HLA-DQA2: variants seen among roughly 807,000 people sequenced by gnomAD.
HLA-DQA2 encodes the protein HLA class II histocompatibility antigen, DQ alpha 2 chain.
In HLA-DQA2, 17 loss-of-function variants were observed where a neutral mutation model predicts 21.0. That is an observed-to-expected ratio of 0.81 (90% confidence interval 0.56 to 1.22). The LOEUF is 1.22. HLA-DQA2 is among the 50% of genes most tolerant of loss of function. HLA-DQA2 has a pLI of 0.00. For missense variants in HLA-DQA2, 239 were observed against 308.8 expected (o/e 0.77, Z 1.69); for synonymous variants, 81 against 116.5 (o/e 0.70, Z 1.96).
chr6:32,745,877 C>T lies in HLA-DQA2; in HGVS notation c.418C>T (p.Pro140Ser), dbSNP rs267600977. ...CATCTGTCTTGTGGACAACATCTTTCCTCCTGTGGTCAACATCACCTGGCT... is the reference window on the plus strand; with the variant it reads ...CATCTGTCTTGTGGACAACATCTTTTCTCCTGTGGTCAACATCACCTGGCT... ...TLICLVDNIF[P>S]PVVNITWLSN... Residue 140 changes from proline to serine, a missense_variant, in exon 3 of 5, where the codon CCT becomes TCT. Transcript: ENST00000374940. 3 of 1,613,158 alleles carry T rather than the reference C, an allele frequency of 1.9e-6. No individual in the cohort carries two copies. The South Asian group carries it at 3.3e-5, about 18-fold the overall frequency.
At chr6:32,741,627 G>T in intron 1 of HLA-DQA2, 102 bp downstream of exon 1, 3 of 1,037,406 alleles carry the variant, frequency 2.9e-6, no homozygotes, top group Non-Finnish European at 1.4e-6. Flanking sequence ...TTTCCCAAGG[G>T]TCTTTTCAAT....
intron 3 of HLA-DQA2, 60 bp downstream of exon 3, chr6:32,746,132 A>G: frequency 1.4e-6 from 2 of 1,462,086 alleles, no homozygotes; most frequent in Non-Finnish European, 1.8e-6. Flanking sequence ...CTTCTCCCTA[A>G]GCCTGGGGCC....
In HLA-DQA2 at chr6:32,745,172, C is replaced by T. The variant is rs1252123767; in HGVS notation, c.96C>T (p.Ala32=). ...TTCACTCGTCAGCTGACCATGTTGC[C>T]TCCTATGGTGTGAACTTCTACCAGT... ...GGEDIVADHV[A]SYGVNFYQSH... is the part of the protein sequence containing the mutation. Residue 32 remains alanine (A), a synonymous_variant, in exon 2 of 5, where the codon GCC becomes GCT. Transcript: ENST00000374940. The T allele has an allele frequency of 6.8e-6, 11 of 1,613,976 alleles. No homozygotes were observed. The highest frequency in any genetic ancestry group is 9.3e-6 in the Non-Finnish European group (11 of 1,179,952).
intron 1 of HLA-DQA2, among the ~76,000 whole-genome samples, chr6:32,741,794 C>T (rs1168754960): frequency 1.3e-5 from 2 of 152,174 alleles, no homozygotes; most frequent in African/African-American, 4.8e-5. Flanking sequence ...GGCATTCCAT[C>T]ATGATTGCCT....
chr6:32,743,071 T>G (rs9276422), intron 1 of HLA-DQA2, among the ~76,000 whole-genome samples: 83,752 of 148,594 alleles, frequency 0.56, 24,463 homozygotes, highest in East Asian at 0.85. Flanking sequence ...TTCACCGTGT[T>G]AGCCAGGATG....
intron 1 of HLA-DQA2, among the ~76,000 whole-genome samples, chr6:32,743,735 G>A (rs1763373304): frequency 6.6e-6 from 1 of 152,198 alleles, no homozygotes. Flanking sequence ...TTTGTTGGTG[G>A]CCTGTTAAGT....
intron 1 of HLA-DQA2, among the ~76,000 whole-genome samples, chr6:32,744,506 C>T (rs1307151894): frequency 6.6e-6 from 1 of 151,916 alleles, no homozygotes; most frequent in Non-Finnish European, 1.5e-5. Flanking sequence ...AAATCAGGTG[C>T]TCTCCTCTAA....
At chr6:32,746,469 G>A (rs1195203173) in intron 4 of HLA-DQA2, 55 bp downstream of exon 4, 31 of 1,590,028 alleles carry the variant, frequency 1.9e-5, no homozygotes, top group Middle Eastern at 1.7e-4. Context: ...AGGAAAGTGG[G>A]AGGGGGTTGT....
intron 1 of HLA-DQA2, 126 bp from the exon 2 acceptor site, chr6:32,745,033 A>C (rs1387915067): frequency 5.3e-6 from 6 of 1,122,912 alleles, no homozygotes; most frequent in Non-Finnish European, 7.6e-6. Flanking sequence ...TGTTAGGAAG[A>C]TTGTTCAGGG....
rs906647744 is a variant in HLA-DQA2 at position 32,746,321 on chromosome 6, T to C, written c.695T>C (p.Ile232Thr). The C allele has an allele frequency of 6.2e-7, 1 of 1,612,994 alleles. No individual in the cohort carries two copies. The highest frequency in any genetic ancestry group is 1.3e-5 in the African/African-American group (1 of 74,928). ...ALGLSVGLMGIVVGTVFIIQG... is the reference protein window; with the variant it reads ...ALGLSVGLMGTVVGTVFIIQG... ...GGGTTGTCTGTGGGCCTCATGGGCATTGTGGTGGGCACTGTCTTCATCATC... is the reference window on the plus strand; with the variant it reads ...GGGTTGTCTGTGGGCCTCATGGGCACTGTGGTGGGCACTGTCTTCATCATC... Residue 232 changes from isoleucine (I) to threonine (T), a missense_variant, in exon 4 of 5, where the codon ATT (isoleucine) becomes ACT (threonine). Transcript: ENST00000374940.
chr6:32,743,674 T>C (rs1033848006), intron 1 of HLA-DQA2, among the ~76,000 whole-genome samples: 2 of 152,176 alleles, frequency 1.3e-5, no homozygotes, highest in African/African-American at 4.8e-5. Context: ...GTATTCCACA[T>C]ATATTCATGT....
chr6:32,745,219 A>G lies in HLA-DQA2; in HGVS notation c.143A>G (p.Tyr48Cys). ...CAGTCTCACGGTCCCTCTGGCCAGT[A>G]CACCCATGAATTTGATGGAGACGAG... ...FYQSHGPSGQYTHEFDGDEEF... is the reference protein window; with the variant it reads ...FYQSHGPSGQCTHEFDGDEEF... The change falls in exon 2 of 5, where the codon TAC becomes TGC. Residue 48 changes from tyrosine (Y) to cysteine (C), a missense_variant. Physicochemically the swap from Tyr to Cys is radical, Grantham distance 194. Transcript: ENST00000374940. The G allele has an allele frequency of 6.4e-7, 1 of 1,563,152 alleles. No homozygotes were observed. Among genetic ancestry groups the G allele is most frequent in the Non-Finnish European group, 8.7e-7 (1 of 1,144,418 alleles).
intron 1 of HLA-DQA2, among the ~76,000 whole-genome samples, chr6:32,743,367 CTATG>C (rs1319749485): frequency 6.6e-6 from 1 of 152,224 alleles, no homozygotes; most frequent in Non-Finnish European, 1.5e-5. Context: ...TCCCCAAAAT[CTATG>C]TAATTGTCAA....
intron 1 of HLA-DQA2, 98 bp downstream of exon 1, chr6:32,741,623 A>C: frequency 8.4e-7 from 1 of 1,194,262 alleles, no homozygotes; most frequent in East Asian, 2.5e-5. Flanking sequence ...GAAATTTCCC[A>C]AGGGTCTTTT....
At chr6:32,746,132 AG>A in intron 3 of HLA-DQA2, 60 bp downstream of exon 3, 3 of 1,462,086 alleles carry the variant, frequency 2.1e-6, no homozygotes, top group Non-Finnish European at 2.7e-6. Context: ...CTTCTCCCTA[AG>A]CCTGGGGCCT....
At chr6:32,742,557 A>G (rs532501676) in intron 1 of HLA-DQA2, among the ~76,000 whole-genome samples, 37 of 152,342 alleles carry the variant, frequency 2.4e-4, no homozygotes, top group African/African-American at 8.9e-4. Flanking sequence ...TTGGAAAGTC[A>G]AATAGTTAAA....
chr6:32,745,619 G>A (rs1172395279), intron 2 of HLA-DQA2, among the ~76,000 whole-genome samples, 172 bp from the exon 3 acceptor site: 1 of 147,048 alleles, frequency 6.8e-6, no homozygotes, highest in African/African-American at 2.5e-5. Flanking sequence ...CAGAGAGAAG[G>A]GCACAGGAAT....
intron 1 of HLA-DQA2, among the ~76,000 whole-genome samples, chr6:32,742,190 A>T (rs926209837): frequency 6.6e-6 from 1 of 152,232 alleles, no homozygotes; most frequent in Non-Finnish European, 1.5e-5. Flanking sequence ...AAAAACATGA[A>T]TGTCAACTTT....
chr6:32,744,760 T>C (rs904860868), intron 1 of HLA-DQA2, among the ~76,000 whole-genome samples: 1 of 152,086 alleles, frequency 6.6e-6, no homozygotes, highest in Non-Finnish European at 1.5e-5. Context: ...CAACTTGTTA[T>C]TAACTGAGAG....
Sources: gnomAD v4.1 joint callset for allele counts (sites outside exome capture counted in the v4.1 genomes callset) on GRCh38, gnomAD v4.1.1 for gene constraint, MANE v1.5 for transcripts, NCBI Gene and HGNC (gene_info 2026-07-23, HGNC 2026-07-21) for gene names.